The following TACC1 variants were observed in gnomAD, a reference collection of about 807,000 sequenced individuals.
TACC1 encodes transforming acidic coiled-coil-containing protein 1.
Under a neutral mutation model 84.4 loss-of-function variants are expected in TACC1, and 48 were observed. The observed-to-expected ratio is 0.57, with a 90% CI of 0.45 to 0.72. The LOEUF (loss-of-function observed/expected upper bound fraction) is 0.72, where lower values mean the gene tolerates loss of function less well. Ranked by LOEUF, TACC1 falls within the 30% of genes least tolerant of loss-of-function variation. TACC1 has a pLI of 0.00. For missense variants in TACC1, 920 were observed against 973.0 expected (o/e 0.95, Z 0.72); for synonymous variants, 372 against 376.3 (o/e 0.99, Z 0.13).
chr8:38,824,446 G>A (rs1827572752), intron 3 of TACC1, among the ~76,000 whole-genome samples: 1 of 152,216 alleles, frequency 6.6e-6, no homozygotes, highest in African/African-American at 2.4e-5. Flanking sequence ...GAGTTTGGTG[G>A]CAGAGGGTAG....
intron 2 of TACC1, among the ~76,000 whole-genome samples, chr8:38,815,711 G>A (rs746263718): frequency 6.6e-6 from 1 of 152,072 alleles, no homozygotes; most frequent in Non-Finnish European, 1.5e-5. Context: ...GAGTCACCGT[G>A]CCCGGCAATG....
intron 3 of TACC1, among the ~76,000 whole-genome samples, chr8:38,776,494 A>G (rs1211353532): frequency 7.2e-5 from 11 of 152,138 alleles, no homozygotes. Context: ...TTGCATATAC[A>G]TAATGAGATA....
At chr8:38,842,512 C>A in intron 10 of TACC1, 65 bp downstream of exon 10, 1 of 1,482,952 alleles carries the variant, frequency 6.7e-7, no homozygotes, top group Non-Finnish European at 9.1e-7. Flanking sequence ...GGTAACTGGT[C>A]ATCAAATACA....
At chr8:38,843,240 T>A in intron 10 of TACC1, 49 bp from the exon 11 acceptor site, 1 of 1,314,698 alleles carries the variant, frequency 7.6e-7, no homozygotes, top group East Asian at 2.5e-5. Context: ...TGTGGTAGAT[T>A]AGAAGAAACA....
At chr8:38,828,004 C>T (rs1422141781) in intron 5 of TACC1, 1 of 153,208 alleles carries the variant, frequency 6.5e-6, no homozygotes, top group Non-Finnish European at 1.5e-5. Context: ...GACCCAGCCA[C>T]CTCCCATTAG....
chr8:38,800,036 C>CT (rs1563589139), intron 2 of TACC1: 1 of 152,252 alleles, frequency 6.6e-6, no homozygotes, highest in African/African-American at 2.4e-5. Context: ...TGGCTTGTGC[C>CT]TTTAGTCCCA....
chr8:38,733,394 T>G (rs1805353353), intron 1 of TACC1, among the ~76,000 whole-genome samples: 2 of 152,046 alleles, frequency 1.3e-5, no homozygotes, highest in African/African-American at 4.8e-5. Flanking sequence ...CATACACTGG[T>G]GCAGCTCTCT....
chr8:38,790,390 G>C (rs962027602), intron 2 of TACC1, among the ~76,000 whole-genome samples: 2 of 152,212 alleles, frequency 1.3e-5, no homozygotes, highest in African/African-American at 4.8e-5. Flanking sequence ...ATCATTTTGA[G>C]AGACATAATT....
At chr8:38,756,011 C>T (rs1220317683) in intron 3 of TACC1, among the ~76,000 whole-genome samples, 1 of 151,914 alleles carries the variant, frequency 6.6e-6, no homozygotes, top group Non-Finnish European at 1.5e-5. Context: ...GACGGGGTTT[C>T]ACCATGTTAG....
At chr8:38,846,958 T>C (rs966863303) in intron 12 of TACC1, 139 bp downstream of exon 12, 1 of 999,452 alleles carries the variant, frequency 1.0e-6, no homozygotes, top group African/African-American at 1.7e-5. Context: ...CTTTCTGAAC[T>C]GATCCAGGTG....
In TACC1 at chr8:38,820,234, C is replaced by T. The variant is rs773122214; in HGVS notation, c.990C>T (p.Asn330=). 6.2e-7 allele frequency: 1 copy of T among 1,614,098 alleles called. No homozygotes were observed. Among genetic ancestry groups the T allele is most frequent in the Non-Finnish European group, 8.5e-7 (1 of 1,180,012 alleles). ...LEFDFTEDTG[N]IEARKALPRK... is the part of the protein sequence containing the mutation. ...TTGATTTCACAGAAGATACAGGAAA[C>T]ATAGAGGCCAGGAAAGCCCTTCCAA... is the stretch of plus-strand genomic sequence containing the variant. The change falls in exon 3 of 13, where the codon AAC becomes AAT. Residue 330 remains asparagine, a synonymous_variant. Coordinates refer to ENST00000317827, the MANE Select transcript of TACC1 (RefSeq NM_006283.3).
rs10631964 is a variant in TACC1, at chr8:38,798,606, CGTGT to C, written c.277+9818_277+9821del. Among the ~76,000 whole-genome samples the C allele has an allele frequency of 9.3e-3, 1,336 of 143,458 alleles. 17 individuals carry two copies. Among genetic ancestry groups the C allele is most frequent in the African/African-American group, 0.031 (1,195 of 38,478 alleles). 94.1% of individuals were successfully genotyped at this position (143,458 alleles called of 152,430 possible). ...CAGGTAGTTTGTTGTCTGGGTTCTG[CGTGT>C]GTGTGTGTGTGTGTGTGTGTGTGTG... On this transcript the variant is annotated intron_variant, in intron 2 of 12. Coordinates refer to ENST00000317827, the MANE Select transcript of TACC1 (RefSeq NM_006283.3).
chr8:38,776,419 G>T (rs1489354985), intron 3 of TACC1, among the ~76,000 whole-genome samples: 1 of 152,166 alleles, frequency 6.6e-6, no homozygotes, highest in Non-Finnish European at 1.5e-5. Context: ...TGAGATACAG[G>T]TAGAGTGTTC....
chr8:38,783,102 C>CTATATATATATA (rs779724480), upstream of TACC1, among the ~76,000 whole-genome samples: 1 of 97,204 alleles, frequency 1.0e-5, no homozygotes, highest in African/African-American at 3.5e-5. Context: ...ATCTATCTAT[C>CTATATATATATA]TATCTATATA....
intron 10 of TACC1, among the ~76,000 whole-genome samples, chr8:38,843,012 G>T (rs148458858): frequency 4.6e-5 from 7 of 152,104 alleles, no homozygotes; most frequent in Non-Finnish European, 1.0e-4. Context: ...TATGGAAATC[G>T]AATTGCCATT....
chr8:38,848,164 T>C lies in TACC1; in HGVS notation c.*141T>C. ...AAAAGCACATGCCTACTGCTGCCTG[T>C]CCCGCTTTGCTGCCAATGCAACAGC... is the stretch of plus-strand genomic sequence containing the variant. On this transcript the variant is annotated 3_prime_UTR_variant, in exon 13 of 13. Coordinates refer to ENST00000317827, the MANE Select transcript of TACC1 (RefSeq NM_006283.3). 1 of 729,376 alleles carries C rather than the reference T, an allele frequency of 1.4e-6. No homozygotes were observed. The allele number at this position is 729,376 out of a possible 1,614,324, so 45.2% of individuals were successfully genotyped here. A position where few individuals can be genotyped will look rare whatever the true frequency, so the allele number is the denominator to read the frequency against.
chr8:38,818,950 G>A (rs1563752395), intron 2 of TACC1, among the ~76,000 whole-genome samples: 1 of 152,032 alleles, frequency 6.6e-6, no homozygotes, highest in East Asian at 1.9e-4. Context: ...GCTAATTTTT[G>A]TATTTTTAGT....
At chr8:38,750,022 A>C (rs115573602) in intron 3 of TACC1, among the ~76,000 whole-genome samples, 2,714 of 152,300 alleles carry the variant, frequency 0.018, 91 homozygotes, top group African/African-American at 0.061. Context: ...TCATTTTGAA[A>C]GCCTATAAGA....
chr8:38,846,591 T>G, intron 11 of TACC1, 108 bp from the exon 12 acceptor site: 1 of 1,321,730 alleles, frequency 7.6e-7, no homozygotes, highest in South Asian at 1.7e-5. Context: ...AGTCAATTCT[T>G]TGAGGCCTGT....
Sources: gnomAD v4.1 joint callset for allele counts (sites outside exome capture counted in the v4.1 genomes callset) on GRCh38, gnomAD v4.1.1 for gene constraint, MANE v1.5 for transcripts, NCBI Gene and HGNC (gene_info 2026-07-23, HGNC 2026-07-21) for gene names.